KIF24: variants seen among roughly 807,000 people sequenced by gnomAD.
KIF24 encodes the protein kinesin family member 24, also known as kinesin-like protein KIF24.
KIF24 carries 81 observed loss-of-function variants against 118.9 expected under a neutral mutation model. That is an observed-to-expected ratio of 0.68 (90% CI 0.57 to 0.82). The LOEUF (loss-of-function observed/expected upper bound fraction) is 0.82, where lower values mean the gene tolerates loss of function less well. Ranked by LOEUF, KIF24 falls within the 40% of genes least tolerant of loss-of-function variation. The pLI is 0.00. For synonymous variants in KIF24, 599 were observed against 610.0 expected, an observed-to-expected ratio of 0.98 and a Z score of 0.27; for missense variants, 1,560 against 1,661.6, an observed-to-expected ratio of 0.94 and a Z score of 1.06.
chr9:34,286,099 C>T (rs892884640), intron 6 of KIF24, among the ~76,000 whole-genome samples: 11 of 151,612 alleles, frequency 7.3e-5, no homozygotes, highest in Admixed American at 4.0e-4. Flanking sequence ...TTTGGGAGGT[C>T]GAGGCGGGTG....
intron 5 of KIF24, among the ~76,000 whole-genome samples, chr9:34,289,204 C>T (rs917990158): frequency 2.0e-5 from 3 of 152,184 alleles, no homozygotes; most frequent in Admixed American, 6.5e-5. Context: ...TAAGCCCACT[C>T]GCTGGCTTCT....
At chr9:34,294,314 C>T (rs1166011061) in intron 4 of KIF24, among the ~76,000 whole-genome samples, 3 of 151,958 alleles carry the variant, frequency 2.0e-5, no homozygotes, top group African/African-American at 7.3e-5. Flanking sequence ...TAGGTTGTTA[C>T]CCAAAGTAAA....
chr9:34,331,316 C>T (rs913474253), upstream of KIF24, among the ~76,000 whole-genome samples: 2 of 152,154 alleles, frequency 1.3e-5, no homozygotes, highest in African/African-American at 4.8e-5. Flanking sequence ...TATTTAGTAC[C>T]TCTGATAATG....
At chr9:34,290,781 G>A (rs1175199565) in intron 4 of KIF24, among the ~76,000 whole-genome samples, 1 of 151,926 alleles carries the variant, frequency 6.6e-6, no homozygotes, top group Non-Finnish European at 1.5e-5. Context: ...TGTATTTTTA[G>A]TAGAGATGGG....
rs112323200 is a variant in KIF24, at chr9:34,256,076, C to A, written c.3531G>T (p.Glu1177Asp). The change falls in exon 11 of 13, where the codon GAG becomes GAT. Residue 1177 changes from glutamate (E) to aspartate (D), a missense_variant. Coordinates refer to ENST00000402558, the MANE Select transcript of KIF24 (RefSeq NM_194313.4). ...CCCAGGAGCCATCCAGCCCCGTCTC[C>A]TCTGCATCAGCATCATACTGCTCAC... ...MGSEQYDADA[E>D]ETGLDGSWGF... is the part of the protein sequence containing the mutation. 2 of 1,613,866 alleles carry A rather than the reference C, an allele frequency of 1.2e-6. No homozygotes were observed. Among genetic ancestry groups the A allele is most frequent in the African/African-American group, 2.7e-5 (2 of 74,924 alleles).
intron 3 of KIF24, among the ~76,000 whole-genome samples, chr9:34,303,088 T>A (rs77677723): frequency 4.0e-5 from 6 of 151,866 alleles, no homozygotes; most frequent in African/African-American, 9.7e-5. Context: ...TTTTTTTTTT[T>A]AATTTTTACA....
chr9:34,286,484 G>C (rs1836055770), intron 6 of KIF24, 133 bp downstream of exon 6: 2 of 621,266 alleles, frequency 3.2e-6, no homozygotes, highest in Non-Finnish European at 5.8e-6. Flanking sequence ...ACATTTTACA[G>C]ATGGGAAGTG....
chr9:34,291,445 T>C (rs1836251260), intron 4 of KIF24, among the ~76,000 whole-genome samples: 1 of 152,236 alleles, frequency 6.6e-6, no homozygotes, highest in South Asian at 2.1e-4. Flanking sequence ...TTTTCACTTT[T>C]ATCAGTAGAT....
At chr9:34,312,566 A>G (rs1375416845) in intron 1 of KIF24, among the ~76,000 whole-genome samples, 1 of 152,194 alleles carries the variant, frequency 6.6e-6, no homozygotes, top group East Asian at 1.9e-4. Flanking sequence ...AGAAACAGAG[A>G]AAGAGGTGAG....
intron 6 of KIF24, among the ~76,000 whole-genome samples, chr9:34,285,556 T>G (rs1211126390): frequency 6.6e-6 from 1 of 151,552 alleles, no homozygotes; most frequent in Non-Finnish European, 1.5e-5. Flanking sequence ...GGGCGGATCA[T>G]GAGGTCAGGA....
intron 1 of KIF24, among the ~76,000 whole-genome samples, chr9:34,313,738 G>GTTTTTT (rs5897567): frequency 1.5e-5 from 2 of 130,356 alleles, no homozygotes; most frequent in Non-Finnish European, 3.3e-5. Flanking sequence ...CCCGTTATCT[G>GTTTTTT]TTTTTTTTTT....
chr9:34,295,945 C>T (rs1467875287), intron 4 of KIF24, among the ~76,000 whole-genome samples: 3 of 151,968 alleles, frequency 2.0e-5, no homozygotes, highest in Admixed American at 1.3e-4. Context: ...TCTGGCCGGG[C>T]GCGATGGCTC....
rs41314588 is a variant in KIF24, at chr9:34,286,536, T to C, written c.1215+81A>G. On this transcript the variant is annotated intron_variant, in intron 6 of 12. Coordinates refer to ENST00000402558, the MANE Select transcript of KIF24 (RefSeq NM_194313.4). ...CCTTTGCCTAAATATAAGTCCACAG[T>C]ACTTGCTTAGTAGCAAAATGAATTT... The C allele has an allele frequency of 1.0e-5, 10 of 965,232 alleles. No individual in the cohort carries two copies. The African/African-American group carries it at 1.6e-4, about 15-fold the overall frequency. 59.8% of individuals were successfully genotyped at this position (965,232 alleles called of 1,614,324 possible).
At chr9:34,292,457 C>G (rs1563951178) in intron 4 of KIF24, among the ~76,000 whole-genome samples, 1 of 151,990 alleles carries the variant, frequency 6.6e-6, no homozygotes, top group Non-Finnish European at 1.5e-5. Context: ...AGGTATAGAC[C>G]TGTCTCCTGG....
intron 4 of KIF24, 58 bp from the exon 5 acceptor site, chr9:34,290,447 A>G (rs1836214368): frequency 2.7e-6 from 3 of 1,103,332 alleles, no homozygotes; most frequent in East Asian, 4.9e-5. Flanking sequence ...TAGTTTACCC[A>G]TAGATTTTTA....
intron 1 of KIF24, among the ~76,000 whole-genome samples, chr9:34,320,551 G>A (rs1367191271): frequency 2.0e-5 from 3 of 150,228 alleles, no homozygotes; most frequent in African/African-American, 4.9e-5. Context: ...CCAGCTACTC[G>A]GGAGGCCGAG....
chr9:34,302,428 C>T (rs959649624), intron 3 of KIF24, among the ~76,000 whole-genome samples: 2 of 151,200 alleles, frequency 1.3e-5, no homozygotes, highest in South Asian at 4.2e-4. Flanking sequence ...CTCAGCCTCC[C>T]GAGTAGCTGA....
chr9:34,257,345 C>A lies in KIF24; in HGVS notation c.2262G>T (p.Pro754=), dbSNP rs376517927. ...GTTCCTCCCTCTCCTTCTGATGTGG[C>A]GGGATGTTTGTCCAAGCTTCAGAGG... is the stretch of plus-strand genomic sequence containing the variant. ...RPASEAWTNI[P]PHQKEREEHL... is the part of the protein sequence containing the mutation. The change falls in exon 11 of 13, where the codon CCG becomes CCT. Residue 754 remains proline, a synonymous_variant. Coordinates refer to ENST00000402558, the MANE Select transcript of KIF24 (RefSeq NM_194313.4). The A allele has an allele frequency of 1.3e-4, 204 of 1,613,880 alleles. No homozygotes were observed. Among genetic ancestry groups the A allele is most frequent in the Non-Finnish European group, 1.6e-4 (192 of 1,179,886 alleles).
intron 8 of KIF24, 143 bp from the exon 9 acceptor site, chr9:34,263,315 G>A: frequency 1.5e-6 from 1 of 678,552 alleles, no homozygotes; most frequent in African/African-American, 1.8e-5. Context: ...ATGGCCTGTA[G>A]TTTCCATTCA....
Sources: allele counts gnomAD v4.1 joint callset (sites outside exome capture counted in the v4.1 genomes callset), GRCh38; gene constraint gnomAD v4.1.1; transcripts MANE v1.5; gene names NCBI Gene and HGNC (gene_info 2026-07-23, HGNC 2026-07-21).